ROBO1: variants seen among roughly 807,000 people sequenced by gnomAD.
ROBO1 encodes the protein roundabout homolog 1.
Under a neutral mutation model 195.9 loss-of-function variants are expected in ROBO1, and 149 were observed. The observed-to-expected ratio is 0.76, with a 90% CI of 0.67 to 0.87. The LOEUF is 0.87. Ranked by LOEUF, ROBO1 falls within the 40% of genes least tolerant of loss-of-function variation. The pLI is 0.00. For missense variants in ROBO1, 1,933 were observed against 2,068.3 expected (o/e 0.93, Z 1.27); for synonymous variants, 816 against 733.2 (o/e 1.11, Z -1.82).
chr3:79,674,365 A>C (rs1946719948), intron 1 of ROBO1, among the ~76,000 whole-genome samples: 1 of 151,954 alleles, frequency 6.6e-6, no homozygotes, highest in Non-Finnish European at 1.5e-5. Context: ...TTAAAGCATA[A>C]ATTTATTTTG....
At chr3:79,538,295 T>C (rs1256036385) in intron 2 of ROBO1, among the ~76,000 whole-genome samples, 1 of 152,132 alleles carries the variant, frequency 6.6e-6, no homozygotes, top group Non-Finnish European at 1.5e-5. Flanking sequence ...GTATAGTTCA[T>C]TTTCCAAGAG....
chr3:78,726,173 T>A (rs1424961592), intron 5 of ROBO1, among the ~76,000 whole-genome samples: 1 of 152,206 alleles, frequency 6.6e-6, no homozygotes, highest in Non-Finnish European at 1.5e-5. Context: ...ATTTATCTCA[T>A]TTCCTTTAAT....
At chr3:79,008,449 A>G (rs1001015912) in intron 3 of ROBO1, among the ~76,000 whole-genome samples, 2 of 152,146 alleles carry the variant, frequency 1.3e-5, no homozygotes, top group Admixed American at 6.5e-5. Flanking sequence ...GTAGCATTAA[A>G]TGAATGGCAA....
At chr3:78,713,217 A>G (rs1298470305) in intron 8 of ROBO1, among the ~76,000 whole-genome samples, 1 of 152,188 alleles carries the variant, frequency 6.6e-6, no homozygotes, top group Non-Finnish European at 1.5e-5. Flanking sequence ...ATTGAGCTAA[A>G]AACCCCAAAG....
At chr3:78,995,707 A>G (rs1317030474) in intron 3 of ROBO1, among the ~76,000 whole-genome samples, 1 of 151,468 alleles carries the variant, frequency 6.6e-6, no homozygotes, top group East Asian at 1.9e-4. Context: ...TCGAGGCTAC[A>G]GTGAACTATG....
chr3:78,939,032 T>C lies in ROBO1; in HGVS notation c.173-105A>G, dbSNP rs2039977287. Reference sequence around the variant, plus strand: ...ATTACTATTTAAACACTGCATAACATTGGCCTAGCCTTCCTACCCTATTTA... The same window carrying C: ...ATTACTATTTAAACACTGCATAACACTGGCCTAGCCTTCCTACCCTATTTA... On this transcript the variant is annotated intron_variant, in intron 3 of 30. Coordinates refer to ENST00000464233, the MANE Select transcript of ROBO1 (RefSeq NM_002941.4). 4 of 995,338 alleles carry C rather than the reference T, an allele frequency of 4.0e-6. No homozygotes were observed. The Admixed American group carries it at 8.1e-5, about 20-fold the overall frequency. The allele number at this position is 995,338 out of a possible 1,614,324, so 61.7% of individuals were successfully genotyped here. A position where few individuals can be genotyped will look rare whatever the true frequency, so the allele number is the denominator to read the frequency against.
intron 8 of ROBO1, among the ~76,000 whole-genome samples, chr3:78,704,473 G>A (rs902472642): frequency 3.9e-5 from 6 of 151,932 alleles, no homozygotes; most frequent in South Asian, 2.1e-4. Context: ...TTGAATGCAA[G>A]TTTTTAAAAG....
intron 1 of ROBO1, among the ~76,000 whole-genome samples, chr3:79,688,323 C>G (rs527919498): frequency 3.6e-4 from 55 of 152,010 alleles, no homozygotes; most frequent in African/African-American, 1.3e-3. Flanking sequence ...ACATATGTAA[C>G]TAACCTGCAC....
At chr3:79,174,229 C>T (rs2081223499) in intron 2 of ROBO1, among the ~76,000 whole-genome samples, 1 of 152,096 alleles carries the variant, frequency 6.6e-6, no homozygotes, top group Non-Finnish European at 1.5e-5. Context: ...AGCTGTAACA[C>T]TCACTGCGAA....
At chr3:79,300,970 T>C (rs995790900) in intron 2 of ROBO1, among the ~76,000 whole-genome samples, 2 of 152,070 alleles carry the variant, frequency 1.3e-5, no homozygotes, top group Non-Finnish European at 2.9e-5. Context: ...AACACACCAC[T>C]GGGCTCTACC....
chr3:79,094,633 A>G (rs2079534538), intron 3 of ROBO1, among the ~76,000 whole-genome samples: 1 of 152,146 alleles, frequency 6.6e-6, no homozygotes, highest in Non-Finnish European at 1.5e-5. Flanking sequence ...AACTTTATGA[A>G]GAATATTTAG....
intron 4 of ROBO1, among the ~76,000 whole-genome samples, chr3:78,921,718 AGTT>A (rs951078092): frequency 6.6e-6 from 1 of 152,178 alleles, no homozygotes; most frequent in African/African-American, 2.4e-5. Context: ...TGGCATGAAT[AGTT>A]AAAGTTTTCA....
intron 2 of ROBO1, among the ~76,000 whole-genome samples, chr3:79,276,769 G>GA (rs776309187): frequency 3.3e-5 from 5 of 151,596 alleles, no homozygotes; most frequent in African/African-American, 7.3e-5. Context: ...TCAACTCAGG[G>GA]AAAAAATCCT....
intron 3 of ROBO1, among the ~76,000 whole-genome samples, chr3:79,062,865 G>A (rs914176088): frequency 3.9e-5 from 6 of 151,920 alleles, no homozygotes; most frequent in African/African-American, 1.5e-4. Flanking sequence ...ATAACATTAG[G>A]AGAAATACCT....
chr3:79,602,865 C>T (rs1245739229), intron 1 of ROBO1, among the ~76,000 whole-genome samples: 1 of 151,928 alleles, frequency 6.6e-6, no homozygotes, highest in Non-Finnish European at 1.5e-5. Flanking sequence ...TTGTGCTATA[C>T]TGATGGTATT....
intron 2 of ROBO1, among the ~76,000 whole-genome samples, chr3:79,139,314 A>G (rs2080475239): frequency 1.3e-5 from 2 of 152,262 alleles, no homozygotes; most frequent in South Asian, 4.1e-4. Flanking sequence ...ATTTGACTAA[A>G]CAAGATAGAG....
Position 78,662,094 on chromosome 3 carries a change from C to T in ROBO1, c.1987G>A (p.Gly663Arg). 1.9e-6 allele frequency: 3 copies of T among 1,566,198 alleles called. No homozygotes were observed. The highest frequency in any genetic ancestry group is 1.2e-5 in the South Asian group (1 of 85,082). Residue 663 changes from glycine to arginine, a missense_variant, in exon 15 of 31, where the codon GGG becomes AGG. Transcript: ENST00000464233. Reference protein sequence around the residue: ...KTQDVLPTSQGVDHKQVQREL... With the variant: ...KTQDVLPTSQRVDHKQVQREL... ...CTCTGGACCTGCTTGTGGTCCACCCCCTGACTTGTTGGTAGGACATCTACA... is the reference window on the plus strand; with the variant it reads ...CTCTGGACCTGCTTGTGGTCCACCCTCTGACTTGTTGGTAGGACATCTACA...
intron 16 of ROBO1, 162 bp from the exon 17 acceptor site, chr3:78,659,969 G>C: frequency 2.4e-6 from 1 of 420,762 alleles, no homozygotes; most frequent in Non-Finnish European, 3.9e-6. Context: ...CATCTAGGCT[G>C]TAGTGCTGTG....
At chr3:78,970,591 T>C (rs2107908095) in intron 3 of ROBO1, among the ~76,000 whole-genome samples, 1 of 152,316 alleles carries the variant, frequency 6.6e-6, no homozygotes, top group East Asian at 1.9e-4. Context: ...TGAATTCAAA[T>C]GACTTGTCCA....
Sources: allele counts gnomAD v4.1 joint callset (sites outside exome capture counted in the v4.1 genomes callset), GRCh38; gene constraint gnomAD v4.1.1; transcripts MANE v1.5; gene names NCBI Gene and HGNC (gene_info 2026-07-23, HGNC 2026-07-21).